The following KSR1 variants were observed in gnomAD, a reference collection of about 807,000 sequenced individuals.
KSR1 encodes kinase suppressor of ras 1.
KSR1 carries 35 observed loss-of-function variants against 92.9 expected under a neutral mutation model. That is an observed-to-expected ratio of 0.38 (90% CI 0.29 to 0.50). The LOEUF (loss-of-function observed/expected upper bound fraction) is 0.50, where lower values mean the gene tolerates loss of function less well. KSR1 is among the 20% of genes least tolerant of loss of function. The pLI is 0.94. For synonymous variants in KSR1, 467 were observed against 472.6 expected, an observed-to-expected ratio of 0.99 and a Z score of 0.15; for missense variants, 972 against 1,158.5, an observed-to-expected ratio of 0.84 and a Z score of 2.34.
intron 18 of KSR1, chr17:27,612,989 G>A (rs2073960737): frequency 6.6e-6 from 1 of 152,238 alleles, no homozygotes; most frequent in Admixed American, 6.5e-5. Context: ...CACTCAAGAT[G>A]ACATTATATC....
intron 2 of KSR1, among the ~76,000 whole-genome samples, chr17:27,575,379 C>T (rs1440760091): frequency 6.6e-6 from 1 of 152,192 alleles, no homozygotes; most frequent in Non-Finnish European, 1.5e-5. Flanking sequence ...CATTTGTAGA[C>T]TGTCATGGTG....
In KSR1 at chr17:27,512,976, A is replaced by G. The variant is rs560836722; in HGVS notation, c.232-37592A>G. Among the ~76,000 whole-genome samples, 3 of 152,252 alleles carry G rather than the reference A, an allele frequency of 2.0e-5. No individual in the cohort carries two copies. In the South Asian group the frequency reaches 6.2e-4, roughly 32 times the overall value. On this transcript the variant is annotated intron_variant, in intron 1 of 20. Transcript: ENST00000644974. ...ATGACCTCTTCTCTTACTGCCACGC[A>G]CAACATTAGCTTGACTTTAGTAGTA...
At chr17:27,534,232 G>T (rs1268319500) in intron 1 of KSR1, among the ~76,000 whole-genome samples, 1 of 152,196 alleles carries the variant, frequency 6.6e-6, no homozygotes. Context: ...TTCCAGCCAC[G>T]CCTGGCCTTG....
intron 19 of KSR1, among the ~76,000 whole-genome samples, chr17:27,618,095 T>TA (rs1221678555): frequency 2.0e-5 from 3 of 152,150 alleles, no homozygotes; most frequent in African/African-American, 4.8e-5. Flanking sequence ...AGTGATGTGG[T>TA]ATTATAAGCT....
Position 27,623,744 on chromosome 17 carries a change from G to T in KSR1, c.*352G>T, listed in dbSNP as rs2074285453. On this transcript the variant is annotated 3_prime_UTR_variant, in exon 21 of 21. Coordinates refer to ENST00000644974, the MANE Select transcript of KSR1 (RefSeq NM_001394583.1). The stretch of plus-strand genomic sequence containing the variant: ...GGCGGAAATGGCCATCCCCTCTGAG[G>T]ACCTTGTAGGCGGTGAGGGACCCAT... 1.1e-5 allele frequency: 6 copies of T among 558,660 alleles called. No homozygotes were observed. In the East Asian group the frequency reaches 1.9e-4, roughly 18 times the overall value. 34.6% of individuals were successfully genotyped at this position (558,660 alleles called of 1,614,324 possible).
chr17:27,611,003 A>C (rs2073899012), intron 17 of KSR1, among the ~76,000 whole-genome samples: 1 of 151,992 alleles, frequency 6.6e-6, no homozygotes, highest in Admixed American at 6.6e-5. Flanking sequence ...AAGGCTCACC[A>C]CCCCGGTCAC....
chr17:27,473,085 G>A lies in KSR1; in HGVS notation c.231+16211G>A, dbSNP rs539946964. Among the ~76,000 whole-genome samples the A allele has an allele frequency of 2.6e-5, 4 of 152,300 alleles. No individual in the cohort carries two copies. In the South Asian group the frequency reaches 8.3e-4, roughly 32 times the overall value. On this transcript the variant is annotated intron_variant, in intron 1 of 20. Coordinates refer to ENST00000644974, the MANE Select transcript of KSR1 (RefSeq NM_001394583.1). ...TGCCCAGCTAGTACCCAGGTTTAAG[G>A]CAGCAAGATTCTGACAGCAGTTCTC...
At chr17:27,501,436 CTGAGACAA>C (rs1489019260) in intron 1 of KSR1, among the ~76,000 whole-genome samples, 1 of 151,326 alleles carries the variant, frequency 6.6e-6, no homozygotes, top group African/African-American at 2.4e-5. Flanking sequence ...ATTTTAATAG[CTGAGACAA>C]TGGAGAAAAT....
At chr17:27,516,308 T>G (rs1273353878) in intron 1 of KSR1, among the ~76,000 whole-genome samples, 3 of 152,174 alleles carry the variant, frequency 2.0e-5, no homozygotes, top group Non-Finnish European at 4.4e-5. Flanking sequence ...CTATTATCAT[T>G]AATATTATCA....
intron 7 of KSR1, among the ~76,000 whole-genome samples, chr17:27,591,519 G>A (rs930646185): frequency 1.3e-5 from 2 of 152,222 alleles, no homozygotes; most frequent in Admixed American, 1.3e-4. Context: ...GATTTTTAAT[G>A]TATACATCAA....
chr17:27,579,465 T>G (rs1472133490), intron 3 of KSR1: 1 of 152,160 alleles, frequency 6.6e-6, no homozygotes, highest in East Asian at 1.9e-4. Context: ...AGGAAATGAG[T>G]TAACGTAAAG....
intron 18 of KSR1, among the ~76,000 whole-genome samples, chr17:27,613,506 C>T (rs2073976917): frequency 1.3e-5 from 2 of 152,226 alleles, no homozygotes; most frequent in East Asian, 3.8e-4. Context: ...AGGCTCCTCC[C>T]CTGCATAAGG....
chr17:27,480,604 G>T (rs1039277510), intron 1 of KSR1, among the ~76,000 whole-genome samples: 1 of 152,080 alleles, frequency 6.6e-6, no homozygotes. Flanking sequence ...CTTCATGTTG[G>T]CCAGACTGGT....
chr17:27,547,091 G>A (rs185471911), intron 1 of KSR1, among the ~76,000 whole-genome samples: 1 of 152,330 alleles, frequency 6.6e-6, no homozygotes, highest in East Asian at 1.9e-4. Context: ...GTCTGCACTT[G>A]CCACTGAGCC....
At chr17:27,573,573 A>G (rs1017569554) in intron 2 of KSR1, among the ~76,000 whole-genome samples, 4 of 152,272 alleles carry the variant, frequency 2.6e-5, no homozygotes, top group Admixed American at 6.5e-5. Flanking sequence ...GCTGTAACCA[A>G]TCCAGCTGTT....
intron 18 of KSR1, chr17:27,612,655 G>A (rs2073952803): frequency 6.6e-6 from 1 of 152,214 alleles, no homozygotes; most frequent in Admixed American, 6.5e-5. Flanking sequence ...AGTGCCATCA[G>A]TGATAGCCAT....
At chr17:27,527,650 C>G (rs1315958600) in intron 1 of KSR1, among the ~76,000 whole-genome samples, 2 of 152,252 alleles carry the variant, frequency 1.3e-5, no homozygotes, top group Non-Finnish European at 2.9e-5. Context: ...CCACCTTGGC[C>G]TCGCAAAGTG....
intron 19 of KSR1, among the ~76,000 whole-genome samples, chr17:27,618,070 TTAGA>T (rs2074114366): frequency 6.6e-6 from 1 of 151,876 alleles, no homozygotes; most frequent in Non-Finnish European, 1.5e-5. Context: ...ATGGGGCCAG[TTAGA>T]TAGAAATTAG....
chr17:27,527,055 A>G, intron 1 of KSR1: 1 of 455,244 alleles, frequency 2.2e-6, no homozygotes, highest in East Asian at 4.5e-5. Context: ...TGAGAGTTGC[A>G]TTCGTGGGTC....
Sources: gnomAD v4.1 joint callset for allele counts (sites outside exome capture counted in the v4.1 genomes callset) on GRCh38, gnomAD v4.1.1 for gene constraint, MANE v1.5 for transcripts, NCBI Gene and HGNC (gene_info 2026-07-23, HGNC 2026-07-21) for gene names.